The following LIN52 variants were observed in gnomAD, a reference collection of about 807,000 sequenced individuals.
The protein encoded by LIN52 is lin-52 DREAM MuvB core complex component, also known as protein lin-52 homolog.
A neutral mutation model predicts 18.5 loss-of-function variants in LIN52; 4 were observed. That is an observed-to-expected ratio of 0.22 (90% CI 0.11 to 0.49). The LOEUF (loss-of-function observed/expected upper bound fraction) is 0.49. Ranked by LOEUF, LIN52 falls within the 20% of genes least tolerant of loss-of-function variation. LIN52 has a pLI of 0.97. For synonymous variants in LIN52, 34 were observed against 45.5 expected (o/e 0.75, Z 1.02); for missense variants, 102 against 139.5 (o/e 0.73, Z 1.35).
intron 5 of LIN52, among the ~76,000 whole-genome samples, chr14:74,157,459 A>ATATAT (rs371363719): frequency 1.6e-4 from 23 of 139,932 alleles, no homozygotes; most frequent in East Asian, 3.3e-4. Flanking sequence ...ATATATATAT[A>ATATAT]TTTTTTAATT....
rs1021406096 is a variant in LIN52 at position 74,200,552 on chromosome 14, C to A, written c.*1575C>A. On this transcript the variant is annotated 3_prime_UTR_variant, in exon 6 of 6. Coordinates refer to ENST00000555028, the MANE Select transcript of LIN52 (RefSeq NM_001024674.3). ...GCACTCTTCAGTTTAACAGCTGATC[C>A]ATTAAACCTTTTCTGACATTTGTGC... is the stretch of plus-strand genomic sequence containing the variant. The A allele has an allele frequency of 2.0e-5, 3 of 151,810 alleles. No individual in the cohort carries two copies. The highest frequency in any genetic ancestry group is 7.3e-5 in the African/African-American group (3 of 41,298). 9.4% of individuals were successfully genotyped at this position (151,810 alleles called of 1,614,324 possible). A position where few individuals can be genotyped will look rare whatever the true frequency, so the allele number is the denominator to read the frequency against.
intron 5 of LIN52, among the ~76,000 whole-genome samples, chr14:74,193,096 C>A (rs1436289630): frequency 6.6e-6 from 1 of 152,084 alleles, no homozygotes; most frequent in African/African-American, 2.4e-5. Context: ...AATACTGATT[C>A]TGTGGCAATG....
chr14:74,124,909 T>C (rs1009360265), intron 5 of LIN52, among the ~76,000 whole-genome samples: 1 of 147,656 alleles, frequency 6.8e-6, no homozygotes, highest in Non-Finnish European at 1.5e-5. Context: ...AAAGGAGACA[T>C]AGGTAAGTTG....
chr14:74,167,483 C>T (rs1256812390), intron 5 of LIN52, among the ~76,000 whole-genome samples: 1 of 152,100 alleles, frequency 6.6e-6, no homozygotes, highest in East Asian at 1.9e-4. Context: ...CCAGGCTGGT[C>T]TCAAACTCCT....
At chr14:74,194,445 C>G (rs970846766) in intron 5 of LIN52, among the ~76,000 whole-genome samples, 1 of 152,190 alleles carries the variant, frequency 6.6e-6, no homozygotes, top group Admixed American at 6.5e-5. Context: ...CCTGACCTCT[C>G]CAAGTATACC....
At chr14:74,097,430 T>TC (rs927197115) in intron 3 of LIN52, among the ~76,000 whole-genome samples, 2 of 149,076 alleles carry the variant, frequency 1.3e-5, no homozygotes, top group African/African-American at 4.9e-5. Context: ...TTTTTCTTTT[T>TC]TTTTTTTTTT....
chr14:74,164,058 T>G (rs1047189591), intron 5 of LIN52, among the ~76,000 whole-genome samples: 7 of 151,754 alleles, frequency 4.6e-5, no homozygotes, highest in African/African-American at 1.7e-4. Context: ...CTCGGCTCAC[T>G]GCAAGCTCCG....
rs140212708 is a variant in LIN52 at position 74,093,762 on chromosome 14, T to G, written c.95-2186T>G. 3.4e-3 allele frequency among the ~76,000 whole-genome samples: 523 copies of G among 152,300 alleles called. 4 individuals carry two copies. The highest frequency in any genetic ancestry group is 0.012 in the African/African-American group (498 of 41,562). ...GGGCGGATTACCTGAAGTCAGGAGT[T>G]TGAGATCAGCCTAGCTAACATGGCG... On this transcript the variant is annotated intron_variant, in intron 2 of 5. Coordinates refer to ENST00000555028, the MANE Select transcript of LIN52 (RefSeq NM_001024674.3).
intron 5 of LIN52, among the ~76,000 whole-genome samples, chr14:74,137,137 G>A (rs553857974): frequency 2.6e-4 from 38 of 146,656 alleles, no homozygotes; most frequent in African/African-American, 9.5e-4. Flanking sequence ...CCCTCTGTGT[G>A]TGTATATTTT....
At chr14:74,187,680 T>C (rs937566879) in intron 5 of LIN52, among the ~76,000 whole-genome samples, 2 of 152,228 alleles carry the variant, frequency 1.3e-5, no homozygotes, top group Admixed American at 1.3e-4. Context: ...CAAATATTTG[T>C]TAACATCTGT....
At chr14:74,156,558 A>C (rs2061199876) in intron 5 of LIN52, among the ~76,000 whole-genome samples, 2 of 152,234 alleles carry the variant, frequency 1.3e-5, no homozygotes, top group South Asian at 4.1e-4. Context: ...ATAGGGTGAT[A>C]TTTTGATACA....
At chr14:74,149,731 G>A (rs1195236638) in intron 5 of LIN52, among the ~76,000 whole-genome samples, 2 of 152,040 alleles carry the variant, frequency 1.3e-5, no homozygotes, top group African/African-American at 2.4e-5. Context: ...TCTTTATCTG[G>A]GAGTCTGAGG....
chr14:74,173,349 G>C (rs2061279437), intron 5 of LIN52, among the ~76,000 whole-genome samples: 1 of 151,992 alleles, frequency 6.6e-6, no homozygotes, highest in South Asian at 2.1e-4. Context: ...CACCACGCCT[G>C]GCTAATTTTG....
chr14:74,165,009 A>G (rs1023544454), intron 5 of LIN52, among the ~76,000 whole-genome samples: 1 of 152,212 alleles, frequency 6.6e-6, no homozygotes, highest in Non-Finnish European at 1.5e-5. Flanking sequence ...TAGACAGCAG[A>G]CAGACATAGT....
At chr14:74,134,532 A>G (rs920184862) in intron 5 of LIN52, among the ~76,000 whole-genome samples, 5 of 152,218 alleles carry the variant, frequency 3.3e-5, no homozygotes, top group Admixed American at 1.3e-4. Context: ...GATATGGTAG[A>G]TGTGAAAAAT....
chr14:74,158,119 A>T (rs1430161536), intron 5 of LIN52, among the ~76,000 whole-genome samples: 1,940 of 112,170 alleles, frequency 0.017, 19 homozygotes, highest in East Asian at 0.098. Flanking sequence ...ATATATATAT[A>T]TATATATTTT....
chr14:74,134,514 CTTGAA>C (rs1296055788), intron 5 of LIN52, among the ~76,000 whole-genome samples: 1 of 152,152 alleles, frequency 6.6e-6, no homozygotes, highest in Admixed American at 6.5e-5. Context: ...GAAAATGAAA[CTTGAA>C]TTGATATGGT....
At chr14:74,106,921 C>G (rs943647039) in intron 5 of LIN52, among the ~76,000 whole-genome samples, 1 of 152,198 alleles carries the variant, frequency 6.6e-6, no homozygotes, top group Non-Finnish European at 1.5e-5. Context: ...ACATTTTCTT[C>G]TCTTTGTCTT....
chr14:74,167,306 G>C (rs371417928), intron 5 of LIN52, among the ~76,000 whole-genome samples: 18 of 152,138 alleles, frequency 1.2e-4, no homozygotes, highest in African/African-American at 4.1e-4. Flanking sequence ...ATCTAATGGT[G>C]TATTTCATCT....
Sources: allele counts gnomAD v4.1 joint callset (sites outside exome capture counted in the v4.1 genomes callset), GRCh38; gene constraint gnomAD v4.1.1; transcripts MANE v1.5; gene names NCBI Gene and HGNC (gene_info 2026-07-23, HGNC 2026-07-21).